The following ROR2 variants were observed in gnomAD, a reference collection of about 807,000 sequenced individuals.
ROR2 encodes the protein tyrosine-protein kinase transmembrane receptor ROR2.
In ROR2, 33 loss-of-function variants were observed where a neutral mutation model predicts 74.9. The ratio of observed to expected loss-of-function variants is 0.44; its 90% CI spans 0.33 to 0.59. The LOEUF is 0.59. Among genes scored for constraint, ROR2 ranks in the 20% least tolerant of loss-of-function variants. ROR2 has a pLI of 0.02. For synonymous variants in ROR2, 586 were observed against 558.7 expected, an observed-to-expected ratio of 1.05 and a Z score of -0.69; for missense variants, 1,216 against 1,313.8, an observed-to-expected ratio of 0.93 and a Z score of 1.15.
chr9:91,747,190 C>T (rs1825449321), intron 4 of ROR2, among the ~76,000 whole-genome samples: 3 of 152,346 alleles, frequency 2.0e-5, no homozygotes, highest in Admixed American at 2.0e-4. Flanking sequence ...TCGGAAGGTC[C>T]ATCTGTGGAG....
At chr9:91,782,844 CAG>C (rs894382992) in intron 1 of ROR2, among the ~76,000 whole-genome samples, 2 of 152,182 alleles carry the variant, frequency 1.3e-5, no homozygotes, top group African/African-American at 2.4e-5. Context: ...TGGAATCAAA[CAG>C]GGGTAAATGT....
At chr9:91,880,942 T>A (rs545657717) in intron 1 of ROR2, among the ~76,000 whole-genome samples, 1 of 152,208 alleles carries the variant, frequency 6.6e-6, no homozygotes, top group African/African-American at 2.4e-5. Context: ...TGGTCATGCA[T>A]CTGTTCTAAT....
intron 7 of ROR2, among the ~76,000 whole-genome samples, chr9:91,730,307 A>T (rs1837191774): frequency 6.6e-6 from 1 of 152,148 alleles, no homozygotes; most frequent in African/African-American, 2.4e-5. Context: ...ACATGGGAAA[A>T]GGGCTGATGG....
At chr9:91,836,864 A>G (rs1331562374) in intron 1 of ROR2, among the ~76,000 whole-genome samples, 1 of 152,198 alleles carries the variant, frequency 6.6e-6, no homozygotes, top group Non-Finnish European at 1.5e-5. Flanking sequence ...GAACCCCTCA[A>G]ATCACACAAG....
rs1422250760 is a variant in ROR2, at chr9:91,796,584, T to A, written c.98-20766A>T. On this transcript the variant is annotated intron_variant, in intron 1 of 8. Transcript: ENST00000375708. Reference sequence around the variant, plus strand: ...TGTCTATTTGAGGTTCCAGTGTGACTAAGCTATGCCTGGGTACCTGGGTGG... The same window carrying A: ...TGTCTATTTGAGGTTCCAGTGTGACAAAGCTATGCCTGGGTACCTGGGTGG... Among the ~76,000 whole-genome samples, 4 of 152,336 alleles carry A rather than the reference T, an allele frequency of 2.6e-5. No homozygotes were observed. In the South Asian group the frequency reaches 8.3e-4, roughly 32 times the overall value.
At chr9:91,830,346 C>A (rs917841345) in intron 1 of ROR2, among the ~76,000 whole-genome samples, 2 of 152,174 alleles carry the variant, frequency 1.3e-5, no homozygotes, top group African/African-American at 4.8e-5. Flanking sequence ...TGGTATGAAC[C>A]TGTTAGTCCA....
intron 1 of ROR2, among the ~76,000 whole-genome samples, chr9:91,936,938 G>A (rs978752435): frequency 6.8e-6 from 1 of 147,010 alleles, no homozygotes; most frequent in Non-Finnish European, 1.5e-5. Context: ...GCTGAGGCAG[G>A]GGAATGGCGT....
intron 1 of ROR2, among the ~76,000 whole-genome samples, chr9:91,920,895 C>A (rs1445907032): frequency 6.6e-6 from 1 of 152,228 alleles, no homozygotes; most frequent in East Asian, 1.9e-4. Context: ...CTTCACTGAT[C>A]TGCATCAAAA....
intron 5 of ROR2, among the ~76,000 whole-genome samples, chr9:91,736,451 C>T (rs534558926): frequency 1.1e-4 from 16 of 152,306 alleles, no homozygotes; most frequent in Non-Finnish European, 2.2e-4. Flanking sequence ...CTCCCAGGAG[C>T]GCAGGCATCA....
At chr9:91,936,991 C>T (rs1392371131) in intron 1 of ROR2, among the ~76,000 whole-genome samples, 1 of 134,924 alleles carries the variant, frequency 7.4e-6, no homozygotes, top group Non-Finnish European at 1.5e-5. Flanking sequence ...GATCCCGCCA[C>T]TGCACTCCAG....
intron 1 of ROR2, among the ~76,000 whole-genome samples, chr9:91,822,062 T>C (rs1828155612): frequency 1.3e-5 from 2 of 152,188 alleles, no homozygotes; most frequent in East Asian, 1.9e-4. Context: ...TCAAAACAAA[T>C]TGTAAACACG....
intron 1 of ROR2, among the ~76,000 whole-genome samples, chr9:91,791,659 C>T (rs1826981357): frequency 6.6e-6 from 1 of 152,174 alleles, no homozygotes; most frequent in South Asian, 2.1e-4. Context: ...CAACACTCCA[C>T]TTTCGATAAC....
intron 1 of ROR2, chr9:91,948,810 T>C: frequency 1.0e-6 from 1 of 985,486 alleles, no homozygotes; most frequent in Non-Finnish European, 1.2e-6. Context: ...CCCATAGGTC[T>C]CTGGCGCTCC....
chr9:91,779,368 C>CTTTT (rs57414414), intron 1 of ROR2, among the ~76,000 whole-genome samples: 3 of 133,730 alleles, frequency 2.2e-5, no homozygotes, highest in African/African-American at 5.7e-5. Flanking sequence ...TTATACTTTT[C>CTTTT]TTTTTTTTTT....
intron 4 of ROR2, among the ~76,000 whole-genome samples, chr9:91,740,374 C>T (rs1395040151): frequency 1.3e-5 from 2 of 151,954 alleles, no homozygotes; most frequent in Non-Finnish European, 2.9e-5. Flanking sequence ...CGGTGAAACC[C>T]CATCTCTACT....
intron 4 of ROR2, among the ~76,000 whole-genome samples, chr9:91,741,850 C>G (rs554250827): frequency 6.6e-6 from 1 of 152,272 alleles, no homozygotes; most frequent in Non-Finnish European, 1.5e-5. Flanking sequence ...TATCAAAACT[C>G]AATACTCTTT....
intron 1 of ROR2, among the ~76,000 whole-genome samples, chr9:91,906,368 G>A (rs1412526895): frequency 1.3e-5 from 2 of 152,172 alleles, no homozygotes; most frequent in Non-Finnish European, 2.9e-5. Flanking sequence ...GAAAGTCTGC[G>A]CATTTGAGGA....
At chr9:91,798,561 C>T (rs1255197757) in intron 1 of ROR2, among the ~76,000 whole-genome samples, 4 of 118,476 alleles carry the variant, frequency 3.4e-5, no homozygotes, top group Non-Finnish European at 5.0e-5. Context: ...TCTGTGGGTG[C>T]AGCTGACGCC....
intron 1 of ROR2, among the ~76,000 whole-genome samples, chr9:91,820,097 C>T (rs1306043910): frequency 6.6e-6 from 1 of 152,218 alleles, no homozygotes; most frequent in African/African-American, 2.4e-5. Flanking sequence ...AACACTACAG[C>T]TATCTTTGTA....
Sources: gnomAD v4.1 joint callset for allele counts (sites outside exome capture counted in the v4.1 genomes callset) on GRCh38, gnomAD v4.1.1 for gene constraint, MANE v1.5 for transcripts, NCBI Gene and HGNC (gene_info 2026-07-23, HGNC 2026-07-21) for gene names.